The following HIGD1C variants were observed in gnomAD, a reference collection of about 807,000 sequenced individuals.
The protein encoded by HIGD1C is HIG1 domain family member 1C.
A neutral mutation model predicts 13.1 loss-of-function variants in HIGD1C; 11 were observed. The ratio of observed to expected loss-of-function variants is 0.84; its 90% CI spans 0.53 to 1.39. The LOEUF is 1.39. HIGD1C is among the 40% of genes most tolerant of loss of function. The pLI, the probability that HIGD1C is intolerant of heterozygous loss-of-function variation, is 0.00. For missense variants in HIGD1C, 110 were observed against 112.0 expected (o/e 0.98, Z 0.08); for synonymous variants, 36 against 37.7 (o/e 0.95, Z 0.17).
the HIGD1C span, among the ~76,000 whole-genome samples, chr12:50,934,346 C>T: frequency 6.6e-6 from 1 of 152,162 alleles, no homozygotes; most frequent in African/African-American, 2.4e-5. Flanking sequence ...GAGTCTGTGA[C>T]CTTGAGCAAG....
the HIGD1C span, among the ~76,000 whole-genome samples, chr12:50,939,705 T>C: frequency 6.6e-6 from 1 of 152,186 alleles, no homozygotes; most frequent in East Asian, 1.9e-4. Flanking sequence ...CCCAGGATTC[T>C]TATGAGGATG....
At chr12:50,954,335 C>T in intron 1 of HIGD1C, 2 of 390,804 alleles carry the variant, frequency 5.1e-6, no homozygotes, top group Non-Finnish European at 9.1e-6. Flanking sequence ...TAGAAGTCTA[C>T]CTAAAATTAT....
At chr12:50,963,199 A>G (rs944993518) in intron 2 of HIGD1C, among the ~76,000 whole-genome samples, 1 of 151,724 alleles carries the variant, frequency 6.6e-6, no homozygotes, top group African/African-American at 2.4e-5. Context: ...GTGAAACCCC[A>G]TCTCTACTTA....
chr12:50,948,874 G>C, the HIGD1C span, among the ~76,000 whole-genome samples: 1 of 15,804 alleles, frequency 6.3e-5, no homozygotes, highest in Admixed American at 4.8e-4. Flanking sequence ...GAGGGGGGAG[G>C]GGAGGGGGAG....
intron 2 of HIGD1C, among the ~76,000 whole-genome samples, chr12:50,964,881 C>T (rs2139819159): frequency 6.6e-6 from 1 of 152,318 alleles, no homozygotes; most frequent in Middle Eastern, 3.4e-3. Flanking sequence ...GGAATCACCA[C>T]TCTGGTATCT....
the HIGD1C span, among the ~76,000 whole-genome samples, chr12:50,948,877 A>G: frequency 1.2e-3 from 6 of 4,880 alleles, no homozygotes; most frequent in African/African-American, 1.3e-3. Context: ...GGGGGAGGGG[A>G]GGGGGAGGGG....
At chr12:50,963,321 A>G (rs58999537) in intron 2 of HIGD1C, among the ~76,000 whole-genome samples, 26,640 of 148,426 alleles carry the variant, frequency 0.18, 2,780 homozygotes, top group East Asian at 0.49. Flanking sequence ...AGTGAACCAA[A>G]ACCACGCCAC....
At chr12:50,965,836 C>T (rs908885460) in intron 2 of HIGD1C, among the ~76,000 whole-genome samples, 4 of 152,136 alleles carry the variant, frequency 2.6e-5, no homozygotes, top group Non-Finnish European at 4.4e-5. Flanking sequence ...TTTTGTCTGT[C>T]GAACATGGTC....
In HIGD1C at chr12:50,968,102, AAGGAGG is replaced by A. The variant is rs35382142; in HGVS notation, c.230-2319_230-2314del. ...CATTGTCTCAAATAATAAGAAGAAGAAGGAGGAGGAGGAGGAGGAGGAGGAGAATGA... is the reference window on the plus strand; with the variant it reads ...CATTGTCTCAAATAATAAGAAGAAGAAGGAGGAGGAGGAGGAGGAGAATGA... On this transcript the variant is annotated intron_variant, in intron 2 of 2. Transcript: ENST00000398455. 9.0e-3 allele frequency among the ~76,000 whole-genome samples: 1,332 copies of A among 147,350 alleles called. 19 individuals are homozygous for A. The highest frequency in any genetic ancestry group is 0.032 in the African/African-American group (1,197 of 37,436).
intron 2 of HIGD1C, among the ~76,000 whole-genome samples, chr12:50,967,843 T>C (rs1288705690): frequency 1.3e-5 from 2 of 152,132 alleles, no homozygotes; most frequent in Non-Finnish European, 2.9e-5. Context: ...GCTGGGTGTA[T>C]TGGGAGTCCA....
At chr12:50,935,744 C>A in the HIGD1C span, among the ~76,000 whole-genome samples, 29 of 152,152 alleles carry the variant, frequency 1.9e-4, no homozygotes, top group African/African-American at 6.3e-4. Flanking sequence ...CCTCCTCAGC[C>A]TTCCAAAGTT....
the HIGD1C span, among the ~76,000 whole-genome samples, chr12:50,937,422 G>A: frequency 1.3e-5 from 2 of 152,218 alleles, no homozygotes; most frequent in African/African-American, 4.8e-5. Context: ...TGACCCCGAA[G>A]CCTCAAAGTG....
In HIGD1C at chr12:50,954,361, C is replaced by A. The variant is rs1939010034; in HGVS notation, c.94+269C>A. On this transcript the variant is annotated intron_variant, in intron 1 of 2. Transcript: ENST00000398455. ...CTAAAATTATTAGTTCCTAGCCAGT[C>A]AAATGGAATAGATTGAATGAATATT... is the stretch of plus-strand genomic sequence containing the variant. 8 of 334,968 alleles carry A rather than the reference C, an allele frequency of 2.4e-5. No individual in the cohort carries two copies. In the East Asian group the frequency reaches 4.2e-4, roughly 18 times the overall value. 20.7% of individuals were successfully genotyped at this position (334,968 alleles called of 1,614,324 possible). A position where few individuals can be genotyped will look rare whatever the true frequency, so the allele number is the denominator to read the frequency against.
chr12:50,958,339 T>C (rs573527379), intron 1 of HIGD1C, among the ~76,000 whole-genome samples: 33 of 149,866 alleles, frequency 2.2e-4, no homozygotes, highest in African/African-American at 7.4e-4. Flanking sequence ...TGGAGTGCAG[T>C]GGCACTATCT....
the HIGD1C span, chr12:50,932,361 T>G: frequency 6.6e-6 from 1 of 152,054 alleles, no homozygotes; most frequent in African/African-American, 2.4e-5. Context: ...TGAAAGCGAG[T>G]GTTAGGTTGG....
intron 1 of HIGD1C, among the ~76,000 whole-genome samples, chr12:50,956,673 C>T (rs892359070): frequency 1.3e-5 from 2 of 152,238 alleles, no homozygotes; most frequent in South Asian, 2.1e-4. Flanking sequence ...ACAGCTCATA[C>T]GTGCATTTCT....
chr12:50,964,626 T>C (rs996334364), intron 2 of HIGD1C, among the ~76,000 whole-genome samples: 5 of 152,174 alleles, frequency 3.3e-5, no homozygotes, highest in Non-Finnish European at 5.9e-5. Flanking sequence ...AGTGAAAGCA[T>C]ACTGTGGGCC....
At chr12:50,969,789 T>C (rs1939693803) in intron 2 of HIGD1C, among the ~76,000 whole-genome samples, 1 of 151,896 alleles carries the variant, frequency 6.6e-6, no homozygotes, top group African/African-American at 2.4e-5. Context: ...AATTTCAAGA[T>C]CTGATGCCTT....
chr12:50,965,256 C>T (rs1458090869), intron 2 of HIGD1C, among the ~76,000 whole-genome samples: 1 of 151,296 alleles, frequency 6.6e-6, no homozygotes. Context: ...TGGGACTACA[C>T]GTGTGCACCA....
Sources: gnomAD v4.1 joint callset for allele counts (sites outside exome capture counted in the v4.1 genomes callset) on GRCh38, gnomAD v4.1.1 for gene constraint, MANE v1.5 for transcripts, NCBI Gene and HGNC (gene_info 2026-07-23, HGNC 2026-07-21) for gene names.